Variants in ADGRG6 observed in about 807,000 individuals in gnomAD.
The protein encoded by ADGRG6 is adhesion G protein-coupled receptor G6.
In ADGRG6, 84 loss-of-function variants were observed where a neutral mutation model predicts 142.4. The ratio of observed to expected loss-of-function variants is 0.59; its 90% CI spans 0.49 to 0.71. The LOEUF is 0.71. Among genes scored for constraint, ADGRG6 ranks in the 30% least tolerant of loss-of-function variants. The probability of loss-of-function intolerance (pLI) is 0.00; values close to 1 mark genes in which losing one functional copy is unlikely to be tolerated. For synonymous variants in ADGRG6, 521 were observed against 520.5 expected (o/e 1.00, Z -0.01); for missense variants, 1,367 against 1,466.6 (o/e 0.93, Z 1.11).
At chr6:142,335,707 G>T (rs1444804958) in intron 2 of ADGRG6, among the ~76,000 whole-genome samples, 2 of 152,078 alleles carry the variant, frequency 1.3e-5, no homozygotes, top group African/African-American at 4.8e-5. Context: ...TAGGGGGTGG[G>T]GTGGGAGAGA....
Position 142,400,667 on chromosome 6 carries a change from C to G in ADGRG6, c.1679+71C>G, listed in dbSNP as rs1040582497. 1.2e-5 allele frequency: 9 copies of G among 775,868 alleles called. 1 individual carries two copies. The South Asian group carries it at 1.3e-4, about 11-fold the overall frequency. 48.1% of individuals were successfully genotyped at this position (775,868 alleles called of 1,614,324 possible). A position where few individuals can be genotyped will look rare whatever the true frequency, so the allele number is the denominator to read the frequency against. On this transcript the variant is annotated intron_variant, in intron 11 of 24. Coordinates refer to ENST00000367609, the MANE Select transcript of ADGRG6 (RefSeq NM_198569.3). ...CCTTCCCAGGGTTATACGTGCAGCA[C>G]GGTAGTTCTTAGGCATTATATTGAT... is the stretch of plus-strand genomic sequence containing the variant.
rs1777934607 is a variant in ADGRG6 at position 142,445,454 on chromosome 6, AG to A, written c.*1940del. The A allele has an allele frequency of 1.3e-5, 2 of 152,198 alleles. No homozygotes were observed. The highest frequency in any genetic ancestry group is 6.6e-5 in the Admixed American group (1 of 15,264). The allele number at this position is 152,198 out of a possible 1,614,324, so 9.4% of individuals were successfully genotyped here. On this transcript the variant is annotated 3_prime_UTR_variant, in exon 25 of 25. Transcript: ENST00000367609. ...CATTCATAGTAGATTTTAATTAGTT[AG>A]CTTTCTAACTAGTCAGATTTCTGCC... is the stretch of plus-strand genomic sequence containing the variant.
intron 18 of ADGRG6, among the ~76,000 whole-genome samples, chr6:142,411,856 A>C (rs1442801428): frequency 1.3e-5 from 2 of 152,130 alleles, no homozygotes; most frequent in Non-Finnish European, 2.9e-5. Flanking sequence ...AATATATTTG[A>C]ACGTTGCTTT....
intron 2 of ADGRG6, among the ~76,000 whole-genome samples, chr6:142,358,249 A>G (rs9321866): frequency 0.025 from 3,795 of 152,334 alleles, 187 homozygotes; most frequent in African/African-American, 0.086. Context: ...ACATTCTCAT[A>G]TGAGATGAAC....
At position 142,325,333 on chromosome 6, in the gene ADGRG6, A is replaced by G. The variant is rs76511306; in HGVS notation, c.103+15689A>G. Among the ~76,000 whole-genome samples the G allele has an allele frequency of 8.7e-3, 1,319 of 152,178 alleles. 22 individuals are homozygous for G. The highest frequency in any genetic ancestry group is 0.013 in the Non-Finnish European group (905 of 67,992). On this transcript the variant is annotated intron_variant, in intron 2 of 24. Transcript: ENST00000367609. ...ATAGGAGAGAAGTGCTAGAGCTTCC[A>G]CCAAGCTCCACCTTCCTATTCTTTA...
intron 2 of ADGRG6, among the ~76,000 whole-genome samples, chr6:142,360,420 G>GAGGAGAGCTCTAT (rs1562336848): frequency 6.6e-6 from 1 of 152,108 alleles, no homozygotes; most frequent in African/African-American, 2.4e-5. Context: ...CTCTATTAGA[G>GAGGAGAGCTCTAT]TACTGGCTTG....
intron 13 of ADGRG6, among the ~76,000 whole-genome samples, 170 bp downstream of exon 13, chr6:142,403,000 T>C (rs1325217074): frequency 6.6e-6 from 1 of 151,496 alleles, no homozygotes. Context: ...ACTTAAAAGT[T>C]CTGTGTGTTT....
At chr6:142,417,966 C>A (rs1456284566) in intron 21 of ADGRG6, among the ~76,000 whole-genome samples, 1 of 152,082 alleles carries the variant, frequency 6.6e-6, no homozygotes, top group Non-Finnish European at 1.5e-5. Context: ...TGGGACCCAT[C>A]ATGCCACATA....
chr6:142,367,094 T>A (rs1029305175), intron 2 of ADGRG6, among the ~76,000 whole-genome samples: 2 of 152,344 alleles, frequency 1.3e-5, no homozygotes, highest in Admixed American at 1.3e-4. Flanking sequence ...AGAGTTTCTC[T>A]TCCTTTATAT....
rs1315976781 is a variant in ADGRG6, at chr6:142,445,603, T to C, written c.*2088T>C. 1 of 152,274 alleles carries C rather than the reference T, an allele frequency of 6.6e-6. No individual in the cohort carries two copies. The highest frequency in any genetic ancestry group is 1.9e-4 in the East Asian group (1 of 5,190). 9.4% of individuals were successfully genotyped at this position (152,274 alleles called of 1,614,324 possible). ...TCATATTTGACAATGTCAGCTCCAC[T>C]TTAGAAATTTTCAATAACCAGATGA... On this transcript the variant is annotated 3_prime_UTR_variant, in exon 25 of 25. Transcript: ENST00000367609.
At chr6:142,359,440 A>G (rs1780613406) in intron 2 of ADGRG6, among the ~76,000 whole-genome samples, 1 of 152,078 alleles carries the variant, frequency 6.6e-6, no homozygotes, top group African/African-American at 2.4e-5. Context: ...TGAACAGTCT[A>G]TGCTGTCTTG....
At chr6:142,326,282 A>T (rs1778772880) in intron 2 of ADGRG6, among the ~76,000 whole-genome samples, 1 of 150,942 alleles carries the variant, frequency 6.6e-6, no homozygotes, top group South Asian at 2.1e-4. Context: ...TCAAAACTTT[A>T]TTGTTTCTCT....
chr6:142,358,434 AG>A (rs1780559233), intron 2 of ADGRG6, among the ~76,000 whole-genome samples: 1 of 152,200 alleles, frequency 6.6e-6, no homozygotes, highest in African/African-American at 2.4e-5. Flanking sequence ...TTGTAGAATA[AG>A]TCTGCCTTGC....
intron 15 of ADGRG6, among the ~76,000 whole-genome samples, chr6:142,407,949 C>A (rs1375519879): frequency 6.6e-6 from 1 of 152,152 alleles, no homozygotes; most frequent in Non-Finnish European, 1.5e-5. Context: ...TGGCTCCCAA[C>A]ATTCCCTCAA....
chr6:142,406,922 G>A (rs1775833127), intron 15 of ADGRG6, among the ~76,000 whole-genome samples: 1 of 152,120 alleles, frequency 6.6e-6, no homozygotes, highest in Non-Finnish European at 1.5e-5. Context: ...ATGGAGTCCA[G>A]TGCAGGGAGA....
At chr6:142,318,173 T>A (rs1241292401) in intron 2 of ADGRG6, among the ~76,000 whole-genome samples, 2 of 9,152 alleles carry the variant, frequency 2.2e-4, no homozygotes, top group African/African-American at 5.1e-4. Flanking sequence ...TATTATATAT[T>A]TATATATTAT....
Position 142,302,280 on chromosome 6 carries a change from G to T in ADGRG6, c.-50G>T, listed in dbSNP as rs1442393501. On this transcript the variant is annotated 5_prime_UTR_variant, in exon 1 of 25. Transcript: ENST00000367609. ...GCAGCGGCAGCAGAGCGGGAAAGTGGTGGAGGATGATCTTGCGGCCAAAGG... is the reference window on the plus strand; with the variant it reads ...GCAGCGGCAGCAGAGCGGGAAAGTGTTGGAGGATGATCTTGCGGCCAAAGG... The T allele has an allele frequency of 1.2e-6, 2 of 1,607,834 alleles. No homozygotes were observed. Among genetic ancestry groups the T allele is most frequent in the South Asian group, 2.2e-5 (2 of 89,936 alleles).
At chr6:142,410,598 T>C (rs994097460) in intron 17 of ADGRG6, among the ~76,000 whole-genome samples, 1 of 152,116 alleles carries the variant, frequency 6.6e-6, no homozygotes, top group Admixed American at 6.6e-5. Context: ...ACTTTGCTGA[T>C]GAAAACAGCC....
chr6:142,360,674 A>G (rs1368250000), intron 2 of ADGRG6, among the ~76,000 whole-genome samples: 1 of 151,692 alleles, frequency 6.6e-6, no homozygotes, highest in African/African-American at 2.4e-5. Context: ...TTTAATTTTT[A>G]TTGAGACACA....
Sources: gnomAD v4.1 joint callset for allele counts (sites outside exome capture counted in the v4.1 genomes callset) on GRCh38, gnomAD v4.1.1 for gene constraint, MANE v1.5 for transcripts, NCBI Gene and HGNC (gene_info 2026-07-23, HGNC 2026-07-21) for gene names.